ELMO1: variants seen among roughly 807,000 people sequenced by gnomAD.
The protein encoded by ELMO1 is engulfment and cell motility protein 1.
ELMO1 carries 26 observed loss-of-function variants against 98.9 expected under a neutral mutation model. The observed-to-expected ratio is 0.26, with a 90% CI of 0.19 to 0.36. ELMO1 has a LOEUF of 0.36. Ranked by LOEUF, ELMO1 falls within the 10% of genes least tolerant of loss-of-function variation. ELMO1 has a pLI of 1.00. For missense variants in ELMO1, 627 were observed against 935.2 expected (o/e 0.67, Z 4.30); for synonymous variants, 346 against 346.0 (o/e 1.00, Z 0.00).
At chr7:37,095,144 A>C (rs1419311954) in intron 15 of ELMO1, among the ~76,000 whole-genome samples, 6 of 152,190 alleles carry the variant, frequency 3.9e-5, no homozygotes, top group African/African-American at 1.4e-4. Flanking sequence ...TACCTTGGAC[A>C]CAGAAACACC....
intron 15 of ELMO1, among the ~76,000 whole-genome samples, chr7:37,092,004 G>A (rs1584630195): frequency 6.6e-6 from 1 of 152,122 alleles, no homozygotes; most frequent in African/African-American, 2.4e-5. Context: ...TGAGATTTGG[G>A]TGGGGACACA....
At chr7:37,448,274 AC>A (rs1172277562) in intron 1 of ELMO1, among the ~76,000 whole-genome samples, 2 of 144,526 alleles carry the variant, frequency 1.4e-5, no homozygotes, top group Admixed American at 1.4e-4. Context: ...GTCCCCAGTA[AC>A]CCCGCGCCAG....
chr7:37,191,886 C>A (rs556787734), intron 13 of ELMO1, among the ~76,000 whole-genome samples: 1 of 151,670 alleles, frequency 6.6e-6, no homozygotes, highest in Non-Finnish European at 1.5e-5. Context: ...CCAGTGACTA[C>A]CGCCTGGGCG....
rs1021003668 is a variant in ELMO1 at position 37,317,240 on chromosome 7, C to T, written c.79-1280G>A. ...TCTCCAAGGGCCTCCCTAACCCCTG[C>T]TAAAGGCCCAGTTCAGTGTACGGTG... On this transcript the variant is annotated intron_variant, in intron 2 of 21. Transcript: ENST00000310758. 3.9e-5 allele frequency among the ~76,000 whole-genome samples: 6 copies of T among 152,298 alleles called. 1 individual carries two copies. In the East Asian group the frequency reaches 5.8e-4, roughly 15 times the overall value.
intron 14 of ELMO1, among the ~76,000 whole-genome samples, chr7:37,103,525 G>A (rs1446116257): frequency 1.7e-5 from 2 of 117,392 alleles, no homozygotes; most frequent in Non-Finnish European, 3.4e-5. Context: ...GTTGTGGGGT[G>A]GGGGGAGGGG....
chr7:37,291,473 A>AT (rs1448279657), intron 4 of ELMO1, among the ~76,000 whole-genome samples: 1 of 152,242 alleles, frequency 6.6e-6, no homozygotes, highest in African/African-American at 2.4e-5. Flanking sequence ...TCCACAACAT[A>AT]TAAACAACTC....
intron 15 of ELMO1, among the ~76,000 whole-genome samples, chr7:37,016,304 T>G (rs1188162270): frequency 6.6e-6 from 1 of 152,200 alleles, no homozygotes; most frequent in Non-Finnish European, 1.5e-5. Flanking sequence ...CCAACAGCTC[T>G]ACAAGCACTA....
intron 16 of ELMO1, 40 bp downstream of exon 16, chr7:37,013,259 G>T: frequency 1.9e-6 from 3 of 1,610,588 alleles, no homozygotes; most frequent in Non-Finnish European, 2.5e-6. Context: ...CCCCTTTAGC[G>T]CTGCGGGAAT....
intron 15 of ELMO1, among the ~76,000 whole-genome samples, chr7:37,037,990 A>C (rs1795287412): frequency 6.6e-6 from 1 of 152,172 alleles, no homozygotes; most frequent in South Asian, 2.1e-4. Flanking sequence ...GTGCCAACTT[A>C]ACACAGATAC....
chr7:37,115,062 A>T (rs1279928809), intron 14 of ELMO1, among the ~76,000 whole-genome samples: 1 of 152,192 alleles, frequency 6.6e-6, no homozygotes, highest in Non-Finnish European at 1.5e-5. Flanking sequence ...AGAAATAGAC[A>T]ATCTGAAGAG....
intron 4 of ELMO1, among the ~76,000 whole-genome samples, chr7:37,303,207 A>G (rs1798435013): frequency 6.6e-6 from 1 of 152,232 alleles, no homozygotes; most frequent in African/African-American, 2.4e-5. Context: ...CTTGTAGAGC[A>G]AAGAGTGTAA....
At chr7:37,285,259 T>C (rs1460655700) in intron 4 of ELMO1, among the ~76,000 whole-genome samples, 2 of 152,226 alleles carry the variant, frequency 1.3e-5, no homozygotes, top group Non-Finnish European at 2.9e-5. Flanking sequence ...TAGCTTCTTT[T>C]CTGCAACAGC....
intron 14 of ELMO1, among the ~76,000 whole-genome samples, chr7:37,106,167 T>C (rs1784934191): frequency 6.6e-6 from 1 of 152,186 alleles, no homozygotes; most frequent in Non-Finnish European, 1.5e-5. Flanking sequence ...AGCCATGCCT[T>C]AGAGCTTAAA....
At chr7:37,126,498 T>G (rs569723048) in intron 14 of ELMO1, among the ~76,000 whole-genome samples, 179 of 152,098 alleles carry the variant, frequency 1.2e-3, no homozygotes, top group Admixed American at 3.7e-3. Flanking sequence ...CCTAAGTGAT[T>G]CTGATATAAA....
At chr7:37,423,947 G>A (rs1038857226) in intron 1 of ELMO1, among the ~76,000 whole-genome samples, 2 of 152,216 alleles carry the variant, frequency 1.3e-5, no homozygotes, top group African/African-American at 4.8e-5. Flanking sequence ...TGCTCTGGAG[G>A]AAGTGTGTGT....
At chr7:37,075,077 CCAG>C (rs1797495012) in intron 15 of ELMO1, among the ~76,000 whole-genome samples, 2 of 152,082 alleles carry the variant, frequency 1.3e-5, no homozygotes, top group Non-Finnish European at 2.9e-5. Context: ...TAACACTTAG[CCAG>C]CCATTTCTGC....
chr7:36,860,662 G>A (rs966754547), intron 21 of ELMO1, among the ~76,000 whole-genome samples: 1 of 152,170 alleles, frequency 6.6e-6, no homozygotes, highest in African/African-American at 2.4e-5. Context: ...GGTGGCCTGT[G>A]TAGAACCACA....
chr7:37,061,765 C>T (rs114985306), intron 15 of ELMO1, among the ~76,000 whole-genome samples: 25 of 152,174 alleles, frequency 1.6e-4, no homozygotes, highest in Non-Finnish European at 2.5e-4. Flanking sequence ...ATAAATACAC[C>T]GAATGGCATC....
chr7:37,028,519 G>A (rs895207161), intron 15 of ELMO1, among the ~76,000 whole-genome samples: 2 of 152,082 alleles, frequency 1.3e-5, no homozygotes, highest in African/African-American at 4.8e-5. Flanking sequence ...GAGAAAAGTA[G>A]ACAATTCACA....
Sources: gnomAD v4.1 joint callset for allele counts (sites outside exome capture counted in the v4.1 genomes callset) on GRCh38, gnomAD v4.1.1 for gene constraint, MANE v1.5 for transcripts, NCBI Gene and HGNC (gene_info 2026-07-23, HGNC 2026-07-21) for gene names.